TMED10: variants seen among roughly 807,000 people sequenced by gnomAD.
The protein encoded by TMED10 is transmembrane p24 trafficking protein 10, also known as transmembrane emp24 domain-containing protein 10.
TMED10 carries 7 observed loss-of-function variants against 23.1 expected under a neutral mutation model. The observed-to-expected ratio is 0.30, with a 90% CI of 0.17 to 0.57. TMED10 has a LOEUF of 0.57. Ranked by LOEUF, TMED10 falls within the 20% of genes least tolerant of loss-of-function variation. The pLI is 0.91. For missense variants in TMED10, 162 were observed against 274.8 expected, an observed-to-expected ratio of 0.59 and a Z score of 2.90; for synonymous variants, 113 against 106.9, an observed-to-expected ratio of 1.06 and a Z score of -0.35.
chr14:75,137,628 T>C (rs895804133), intron 3 of TMED10, among the ~76,000 whole-genome samples: 3 of 150,150 alleles, frequency 2.0e-5, no homozygotes, highest in African/African-American at 7.3e-5. Flanking sequence ...TGAGTTGAGA[T>C]TGTGCCACTG....
At chr14:75,167,215 C>T (rs992121766) in intron 1 of TMED10, among the ~76,000 whole-genome samples, 1 of 152,304 alleles carries the variant, frequency 6.6e-6, no homozygotes, top group East Asian at 1.9e-4. Context: ...GCTGGGATTA[C>T]AGGCGTGAGC....
rs1895894875 is a variant in TMED10 at position 75,147,185 on chromosome 14, G to GTTTTGT, written c.411+478_411+479insACAAAA. Among the ~76,000 whole-genome samples the GTTTTGT allele has an allele frequency of 2.6e-5, 3 of 116,616 alleles. No individual in the cohort carries two copies. The South Asian group carries it at 8.3e-4, about 32-fold the overall frequency. 76.5% of individuals were successfully genotyped at this position (116,616 alleles called of 152,430 possible). ...ACAGCCAGAATTATTCTTCAAGGCT[G>GTTTTGT]TTTTTTTTTTTTTTTTTTTTTGAGA... On this transcript the variant is annotated intron_variant, in intron 3 of 4. Coordinates refer to ENST00000303575, the MANE Select transcript of TMED10 (RefSeq NM_006827.6).
In TMED10 at chr14:75,147,670, G is replaced by A. The variant is rs184216392; in HGVS notation, c.405C>T (p.Tyr135=). 70 of 1,614,030 alleles carry A rather than the reference G, an allele frequency of 4.3e-5. No individual in the cohort carries two copies. The Admixed American group carries it at 7.8e-4, about 18-fold the overall frequency. Residue 135 remains tyrosine, a synonymous_variant, in exon 3 of 5, where the codon TAC becomes TAT. Transcript: ENST00000303575. ...CTGTTAGAGCAGGACATACCTCTTC[G>A]TAATTTTTCGCCTCCACTCCATGCT... ...DMKHGVEAKN[Y]EEIAKVEKLK...
chr14:75,172,132 C>T (rs1272963814), intron 1 of TMED10, among the ~76,000 whole-genome samples: 1 of 152,070 alleles, frequency 6.6e-6, no homozygotes, highest in Non-Finnish European at 1.5e-5. Flanking sequence ...AAATGCTGTA[C>T]ATTCTTTTAA....
intron 1 of TMED10, among the ~76,000 whole-genome samples, chr14:75,163,488 G>A (rs1367276791): frequency 6.8e-6 from 1 of 147,304 alleles, no homozygotes. Context: ...GGGAGGCAGA[G>A]GTTGCAGTGA....
intron 1 of TMED10, among the ~76,000 whole-genome samples, chr14:75,165,813 G>C (rs193207009): frequency 9.3e-4 from 142 of 152,274 alleles, no homozygotes; most frequent in African/African-American, 3.3e-3. Flanking sequence ...TATTGCTTAA[G>C]CTAAAATATG....
intron 1 of TMED10, 41 bp from the exon 2 acceptor site, chr14:75,152,184 C>A: frequency 6.6e-7 from 1 of 1,513,456 alleles, no homozygotes; most frequent in Non-Finnish European, 9.2e-7. Flanking sequence ...GCAAATAACA[C>A]TCAGGAAGAG....
Position 75,137,874 on chromosome 14 carries a change from A to G in TMED10, c.412-1988T>C, listed in dbSNP as rs535554005. On this transcript the variant is annotated intron_variant, in intron 3 of 4. Transcript: ENST00000303575. The stretch of plus-strand genomic sequence containing the variant: ...CAGGTGTGTGCCACCCCACCCAGCT[A>G]ATTTTTATATGTTCAGTAGAGATGA... Among the ~76,000 whole-genome samples the G allele has an allele frequency of 7.9e-5, 12 of 151,954 alleles. No homozygotes were observed. The East Asian group carries it at 1.4e-3, about 17-fold the overall frequency.
intron 1 of TMED10, among the ~76,000 whole-genome samples, chr14:75,156,700 C>T (rs1049631772): frequency 2.0e-5 from 3 of 152,078 alleles, no homozygotes; most frequent in Admixed American, 6.6e-5. Flanking sequence ...AATCCCAGCA[C>T]TTTGGGAGGC....
chr14:75,169,273 T>C (rs148548550), intron 1 of TMED10, among the ~76,000 whole-genome samples: 6 of 152,320 alleles, frequency 3.9e-5, no homozygotes, highest in African/African-American at 1.4e-4. Flanking sequence ...TATGATAACA[T>C]AGGTGCATTC....
chr14:75,135,427 G>A (rs1035379213), intron 4 of TMED10, among the ~76,000 whole-genome samples: 1 of 152,152 alleles, frequency 6.6e-6, no homozygotes, highest in Non-Finnish European at 1.5e-5. Context: ...GCGACAGAGC[G>A]AGACTCCATC....
intron 1 of TMED10, among the ~76,000 whole-genome samples, chr14:75,155,800 G>A (rs376278104): frequency 1.1e-4 from 16 of 152,184 alleles, no homozygotes; most frequent in African/African-American, 2.4e-4. Flanking sequence ...GAAGGCCTGG[G>A]TCCAGAAAAA....
intron 4 of TMED10, 102 bp from the exon 5 acceptor site, chr14:75,135,108 C>G (rs909266800): frequency 4.9e-6 from 7 of 1,437,094 alleles, no homozygotes; most frequent in Admixed American, 1.9e-5. Context: ...TAACTTCACT[C>G]TGTCCCTAGG....
chr14:75,171,572 G>A (rs897570603), intron 1 of TMED10, among the ~76,000 whole-genome samples: 3 of 150,152 alleles, frequency 2.0e-5, no homozygotes, highest in South Asian at 4.2e-4. Context: ...GAGCCACCGC[G>A]CCCAGCCTGG....
At chr14:75,163,422 A>C (rs1896108746) in intron 1 of TMED10, among the ~76,000 whole-genome samples, 1 of 150,620 alleles carries the variant, frequency 6.6e-6, no homozygotes, top group African/African-American at 2.4e-5. Flanking sequence ...GCATGGTGGC[A>C]CTCGCCTGTA....
intron 3 of TMED10, among the ~76,000 whole-genome samples, chr14:75,147,228 GC>G (rs2139839850): frequency 7.5e-6 from 1 of 132,590 alleles, no homozygotes; most frequent in African/African-American, 3.1e-5. Flanking sequence ...TTGCCCTGTC[GC>G]CCAGGCTGGA....
At chr14:75,171,096 GAGA>G (rs566595822) in intron 1 of TMED10, among the ~76,000 whole-genome samples, 2 of 152,110 alleles carry the variant, frequency 1.3e-5, no homozygotes, top group Non-Finnish European at 2.9e-5. Context: ...TCTTGAGGTG[GAGA>G]AGATTATCAC....
At chr14:75,164,572 TA>T (rs1161171215) in intron 1 of TMED10, among the ~76,000 whole-genome samples, 14 of 3,034 alleles carry the variant, frequency 4.6e-3, no homozygotes, top group East Asian at 9.3e-3. Flanking sequence ...TATATATATA[TA>T]TATATTTTTT....
intron 1 of TMED10, among the ~76,000 whole-genome samples, chr14:75,171,157 G>A (rs1345833685): frequency 6.6e-6 from 1 of 152,038 alleles, no homozygotes; most frequent in Non-Finnish European, 1.5e-5. Flanking sequence ...AAGAGAATGA[G>A]ATGAGATGAT....
Sources: allele counts gnomAD v4.1 joint callset (sites outside exome capture counted in the v4.1 genomes callset), GRCh38; gene constraint gnomAD v4.1.1; transcripts MANE v1.5; gene names NCBI Gene and HGNC (gene_info 2026-07-23, HGNC 2026-07-21).